Variants in ST8SIA1 observed in about 807,000 individuals in gnomAD.
ST8SIA1 encodes ST8 alpha-N-acetyl-neuraminide alpha-2,8-sialyltransferase 1, also known as alpha-N-acetylneuraminide alpha-2,8-sialyltransferase.
In ST8SIA1, 16 loss-of-function variants were observed where a neutral mutation model predicts 35.9. That is an observed-to-expected ratio of 0.45 (90% CI 0.30 to 0.68). The LOEUF is 0.68. ST8SIA1 is among the 30% of genes least tolerant of loss of function. ST8SIA1 has a pLI of 0.09. For synonymous variants in ST8SIA1, 170 were observed against 169.6 expected (o/e 1.00, Z -0.02); for missense variants, 383 against 453.6 (o/e 0.84, Z 1.41).
At chr12:22,256,738 A>T (rs1865732227) in intron 2 of ST8SIA1, among the ~76,000 whole-genome samples, 1 of 152,178 alleles carries the variant, frequency 6.6e-6, no homozygotes. Context: ...AGAGCTATGG[A>T]AATATTGTTG....
chr12:22,234,743 C>T (rs1426590645), intron 4 of ST8SIA1, among the ~76,000 whole-genome samples: 1 of 152,180 alleles, frequency 6.6e-6, no homozygotes, highest in African/African-American at 2.4e-5. Flanking sequence ...AGCAAGGTGA[C>T]AACTATGTAC....
At chr12:22,323,139 T>C (rs1443710389) in intron 1 of ST8SIA1, among the ~76,000 whole-genome samples, 2 of 152,212 alleles carry the variant, frequency 1.3e-5, no homozygotes, top group Non-Finnish European at 2.9e-5. Context: ...AAATTCCTCA[T>C]AGCTGGGTCT....
chr12:22,300,208 T>C (rs1866301490), intron 1 of ST8SIA1, among the ~76,000 whole-genome samples: 1 of 152,152 alleles, frequency 6.6e-6, no homozygotes, highest in Non-Finnish European at 1.5e-5. Flanking sequence ...TCTTAAAAAC[T>C]GAAAGCAATT....
intron 1 of ST8SIA1, among the ~76,000 whole-genome samples, chr12:22,291,442 T>C (rs1304141550): frequency 6.6e-6 from 1 of 152,258 alleles, no homozygotes; most frequent in Non-Finnish European, 1.5e-5. Flanking sequence ...GGCCAAAATC[T>C]ACTGTTACAC....
intron 1 of ST8SIA1, among the ~76,000 whole-genome samples, chr12:22,302,426 T>A (rs764938540): frequency 6.6e-6 from 1 of 152,222 alleles, no homozygotes; most frequent in Admixed American, 6.5e-5. Flanking sequence ...TAATGTGGCC[T>A]ATACCAATTT....
At chr12:22,277,695 A>T (rs1053429145) in intron 2 of ST8SIA1, among the ~76,000 whole-genome samples, 4 of 152,170 alleles carry the variant, frequency 2.6e-5, no homozygotes, top group Non-Finnish European at 5.9e-5. Flanking sequence ...TTCTTGAATT[A>T]GTATAGATAA....
chr12:22,233,765 T>G (rs756513895), intron 4 of ST8SIA1, among the ~76,000 whole-genome samples: 31 of 152,110 alleles, frequency 2.0e-4, no homozygotes, highest in Non-Finnish European at 3.5e-4. Flanking sequence ...CACTGAAAAA[T>G]CAGGATAATG....
intron 3 of ST8SIA1, among the ~76,000 whole-genome samples, chr12:22,251,942 A>C (rs1446079509): frequency 6.6e-6 from 1 of 152,196 alleles, no homozygotes; most frequent in Non-Finnish European, 1.5e-5. Context: ...TTCAAAAGGC[A>C]CCAAAATTAT....
intron 1 of ST8SIA1, among the ~76,000 whole-genome samples, chr12:22,300,857 T>C (rs1334311282): frequency 6.6e-6 from 1 of 152,174 alleles, no homozygotes; most frequent in Non-Finnish European, 1.5e-5. Context: ...TTAGGCTTCC[T>C]AAAGTCCAAA....
At chr12:22,330,263 C>G (rs1333980028) in intron 1 of ST8SIA1, among the ~76,000 whole-genome samples, 1 of 152,170 alleles carries the variant, frequency 6.6e-6, no homozygotes, top group Admixed American at 6.6e-5. Flanking sequence ...GGGAACATCC[C>G]CAGCACTTCA....
At chr12:22,289,060 T>C (rs1481128374) in intron 1 of ST8SIA1, among the ~76,000 whole-genome samples, 3 of 152,304 alleles carry the variant, frequency 2.0e-5, no homozygotes, top group Non-Finnish European at 2.9e-5. Flanking sequence ...TAAAGTTTTA[T>C]ACTGGACTGC....
chr12:22,290,375 C>T (rs1428650300), intron 1 of ST8SIA1, among the ~76,000 whole-genome samples: 1 of 152,140 alleles, frequency 6.6e-6, no homozygotes, highest in Non-Finnish European at 1.5e-5. Flanking sequence ...AGTACTAGTA[C>T]TATAGTACTA....
chr12:22,277,854 T>C (rs1865989418), intron 2 of ST8SIA1, among the ~76,000 whole-genome samples: 1 of 152,068 alleles, frequency 6.6e-6, no homozygotes, highest in Non-Finnish European at 1.5e-5. Context: ...GAGTAGACGA[T>C]AGTGTCATTA....
chr12:22,325,208 T>C (rs1433605022), intron 1 of ST8SIA1: 1 of 445,514 alleles, frequency 2.2e-6, no homozygotes, highest in East Asian at 3.5e-5. Flanking sequence ...CATAAAATCA[T>C]GTACTATATA....
At chr12:22,225,903 C>T (rs1865351088) in intron 4 of ST8SIA1, among the ~76,000 whole-genome samples, 3 of 152,214 alleles carry the variant, frequency 2.0e-5, no homozygotes, top group South Asian at 2.1e-4. Context: ...TTGAATTGGC[C>T]GTGGGGGCGG....
chr12:22,195,609 T>C lies in ST8SIA1; in HGVS notation c.*5943A>G, dbSNP rs1276035016. On this transcript the variant is annotated 3_prime_UTR_variant, in exon 5 of 5. Coordinates refer to ENST00000396037, the MANE Select transcript of ST8SIA1 (RefSeq NM_003034.4). ...AGAGAAAACTATTCATTATTAACCA[T>C]AACAGCTGGATGACAAGATATTTCC... 1.3e-5 allele frequency: 2 copies of C among 152,178 alleles called. No homozygotes were observed. The highest frequency in any genetic ancestry group is 2.9e-5 in the Non-Finnish European group (2 of 68,020). 9.4% of individuals were successfully genotyped at this position (152,178 alleles called of 1,614,324 possible). A position where few individuals can be genotyped will look rare whatever the true frequency, so the allele number is the denominator to read the frequency against.
At chr12:22,273,828 AC>A (rs1018504223) in intron 2 of ST8SIA1, among the ~76,000 whole-genome samples, 1 of 152,238 alleles carries the variant, frequency 6.6e-6, no homozygotes, top group African/African-American at 2.4e-5. Flanking sequence ...AAACTGAGAC[AC>A]ATAACTCCCT....
chr12:22,320,582 C>T (rs953611602), intron 1 of ST8SIA1, among the ~76,000 whole-genome samples: 39 of 152,160 alleles, frequency 2.6e-4, no homozygotes, highest in Non-Finnish European at 1.0e-4. Context: ...CGGTGGCTTA[C>T]ACCTGTAATC....
At chr12:22,317,440 C>T (rs1866534909) in intron 1 of ST8SIA1, among the ~76,000 whole-genome samples, 1 of 152,206 alleles carries the variant, frequency 6.6e-6, no homozygotes, top group Non-Finnish European at 1.5e-5. Flanking sequence ...CAAGGTCTCT[C>T]ATGAAGTGTA....
Sources: gnomAD v4.1 joint callset for allele counts (sites outside exome capture counted in the v4.1 genomes callset) on GRCh38, gnomAD v4.1.1 for gene constraint, MANE v1.5 for transcripts, NCBI Gene and HGNC (gene_info 2026-07-23, HGNC 2026-07-21) for gene names.